SAMD5: variants seen among roughly 807,000 people sequenced by gnomAD.
SAMD5 encodes sterile alpha motif domain-containing protein 5.
Under a neutral mutation model 11.3 loss-of-function variants are expected in SAMD5, and 13 were observed. That is an observed-to-expected ratio of 1.15 (90% confidence interval 0.75 to 1.83). SAMD5 has a LOEUF of 1.83. Among genes scored for constraint, SAMD5 ranks in the 40% most tolerant of loss-of-function variants. The pLI is 0.00. For missense variants in SAMD5, 255 were observed against 239.1 expected (o/e 1.07, Z -0.44); for synonymous variants, 129 against 111.3 (o/e 1.16, Z -1.00).
the SAMD5 span, among the ~76,000 whole-genome samples, chr6:147,880,874 AC>A: frequency 1.1e-4 from 17 of 152,226 alleles, no homozygotes; most frequent in South Asian, 1.0e-3. Context: ...CCTGAAAAAA[AC>A]ATCTGATTTT....
chr6:147,544,120 C>T (rs1232110597), intron 1 of SAMD5, among the ~76,000 whole-genome samples: 1 of 152,054 alleles, frequency 6.6e-6, no homozygotes, highest in Admixed American at 6.6e-5. Context: ...GGACAACAGA[C>T]AAGTTAATGT....
At chr6:147,756,175 TAAA>T in the SAMD5 span, among the ~76,000 whole-genome samples, 5 of 152,100 alleles carry the variant, frequency 3.3e-5, no homozygotes, top group Admixed American at 3.3e-4. Flanking sequence ...GTTGCTGTAA[TAAA>T]GAAGACCACC....
intron 1 of SAMD5, among the ~76,000 whole-genome samples, chr6:147,652,678 T>G (rs1326836620): frequency 2.0e-5 from 3 of 152,168 alleles, no homozygotes; most frequent in Non-Finnish European, 4.4e-5. Flanking sequence ...GGCTAGATTG[T>G]TTTTAAAGGT....
In SAMD5 at chr6:147,567,660, T is replaced by C. The variant is rs41285883; in HGVS notation, c.*3204T>C. The C allele has an allele frequency of 1.3e-3, 1,251 of 985,372 alleles. 9 individuals are homozygous for C. The South Asian group carries it at 0.021, about 16-fold the overall frequency. The allele number at this position is 985,372 out of a possible 1,614,324, so 61.0% of individuals were successfully genotyped here. ...TGACTGCCTCTCTCCCTTCCCTTCT[T>C]TACTCTCAGTTGTCTTATTTCTTCT... On this transcript the variant is annotated 3_prime_UTR_variant, in exon 2 of 2. Transcript: ENST00000367474.
chr6:147,540,161 G>A (rs78027166), intron 1 of SAMD5, among the ~76,000 whole-genome samples: 5,922 of 152,040 alleles, frequency 0.039, 336 homozygotes, highest in African/African-American at 0.12. Context: ...TTAAGACTGC[G>A]AATCAGAAGC....
intron 1 of SAMD5, among the ~76,000 whole-genome samples, chr6:147,717,806 GC>G (rs1323278921): frequency 6.6e-6 from 1 of 152,040 alleles, no homozygotes; most frequent in Non-Finnish European, 1.5e-5. Flanking sequence ...AGCCGAGATT[GC>G]ACCACTGCAC....
the SAMD5 span, among the ~76,000 whole-genome samples, chr6:147,773,148 CTG>C: frequency 2.6e-5 from 4 of 152,204 alleles, no homozygotes; most frequent in Admixed American, 2.0e-4. Flanking sequence ...CCTTCAGCTT[CTG>C]TGTTGCTGGC....
the SAMD5 span, among the ~76,000 whole-genome samples, chr6:147,855,965 A>C: frequency 1.3e-5 from 2 of 152,222 alleles, no homozygotes; most frequent in African/African-American, 2.4e-5. Context: ...TCTGTACAAA[A>C]ACTTGTGCAT....
the SAMD5 span, among the ~76,000 whole-genome samples, chr6:147,803,789 G>T: frequency 2.0e-5 from 3 of 152,088 alleles, no homozygotes; most frequent in African/African-American, 7.2e-5. Flanking sequence ...CATGTACTAC[G>T]CACACTGCCT....
chr6:147,566,858 T>C lies in SAMD5; in HGVS notation c.*2402T>C. ...GGTAGAATATAAGAGAAAGGGATTA[T>C]TTTTACCATGAATTGTATCTGGGGA... On this transcript the variant is annotated 3_prime_UTR_variant, in exon 2 of 2. Transcript: ENST00000367474. 1 of 977,960 alleles carries C rather than the reference T, an allele frequency of 1.0e-6. No individual in the cohort carries two copies. The highest frequency in any genetic ancestry group is 1.2e-6 in the Non-Finnish European group (1 of 823,270). 60.6% of individuals were successfully genotyped at this position (977,960 alleles called of 1,614,324 possible).
chr6:147,637,722 A>G (rs1261058358), intron 1 of SAMD5, among the ~76,000 whole-genome samples: 2 of 152,212 alleles, frequency 1.3e-5, no homozygotes, highest in East Asian at 1.9e-4. Flanking sequence ...GGTATTCACC[A>G]TGATGGGGAC....
chr6:147,706,989 G>A (rs1397900784), intron 1 of SAMD5, among the ~76,000 whole-genome samples: 2 of 152,120 alleles, frequency 1.3e-5, no homozygotes, highest in African/African-American at 4.8e-5. Flanking sequence ...TTAACTTACG[G>A]TGTAAATACA....
the SAMD5 span, among the ~76,000 whole-genome samples, chr6:147,770,350 A>G: frequency 2.0e-5 from 3 of 151,904 alleles, no homozygotes; most frequent in South Asian, 6.2e-4. Flanking sequence ...AAGCATCTGG[A>G]TCATAGAGCT....
chr6:147,804,363 G>C, the SAMD5 span, among the ~76,000 whole-genome samples: 56 of 152,144 alleles, frequency 3.7e-4, no homozygotes, highest in South Asian at 0.011. Context: ...ACCTGCCTCA[G>C]CCTCCCAAAG....
the SAMD5 span, among the ~76,000 whole-genome samples, chr6:147,801,835 C>T: frequency 6.6e-6 from 1 of 152,160 alleles, no homozygotes; most frequent in African/African-American, 2.4e-5. Flanking sequence ...TCTTTTTAAT[C>T]AATGGTGTTG....
At chr6:147,864,965 C>A in the SAMD5 span, among the ~76,000 whole-genome samples, 1 of 152,146 alleles carries the variant, frequency 6.6e-6, no homozygotes, top group Admixed American at 6.6e-5. Context: ...GTGAAACCTG[C>A]AAGATTTGCA....
At chr6:147,776,928 G>T in the SAMD5 span, among the ~76,000 whole-genome samples, 1 of 152,132 alleles carries the variant, frequency 6.6e-6, no homozygotes, top group Non-Finnish European at 1.5e-5. Context: ...GATATGTAAT[G>T]AACTATAAAA....
chr6:147,932,949 G>A, the SAMD5 span, among the ~76,000 whole-genome samples: 1 of 152,108 alleles, frequency 6.6e-6, no homozygotes, highest in Non-Finnish European at 1.5e-5. Flanking sequence ...ATTAAAGGAG[G>A]CATAAGATTC....
At chr6:147,813,665 A>C in the SAMD5 span, among the ~76,000 whole-genome samples, 2 of 152,216 alleles carry the variant, frequency 1.3e-5, no homozygotes, top group Non-Finnish European at 2.9e-5. Context: ...GGTCTGAGTA[A>C]CTTGCTCCAT....
Sources: allele counts gnomAD v4.1 joint callset (sites outside exome capture counted in the v4.1 genomes callset), GRCh38; gene constraint gnomAD v4.1.1; transcripts MANE v1.5; gene names NCBI Gene and HGNC (gene_info 2026-07-23, HGNC 2026-07-21).